PPFIA2: variants seen among roughly 807,000 people sequenced by gnomAD.
The protein encoded by PPFIA2 is liprin-alpha-2.
Under a neutral mutation model 175.5 loss-of-function variants are expected in PPFIA2, and 46 were observed. The observed-to-expected ratio is 0.26, with a 90% confidence interval of 0.21 to 0.34. The LOEUF (loss-of-function observed/expected upper bound fraction) is 0.34. Among genes scored for constraint, PPFIA2 ranks in the 10% least tolerant of loss-of-function variants. The pLI, the probability that PPFIA2 is intolerant of heterozygous loss-of-function variation, is 1.00. For synonymous variants in PPFIA2, 568 were observed against 511.4 expected (o/e 1.11, Z -1.49); for missense variants, 1,179 against 1,506.1 (o/e 0.78, Z 3.60).
At chr12:81,559,492 T>C (rs2069534947) in intron 4 of PPFIA2, among the ~76,000 whole-genome samples, 1 of 152,236 alleles carries the variant, frequency 6.6e-6, no homozygotes, top group Admixed American at 6.5e-5. Context: ...GCTAAGTTAA[T>C]GTTTTCATGT....
At chr12:81,347,112 T>C (rs1675366247) in intron 18 of PPFIA2, among the ~76,000 whole-genome samples, 1 of 133,670 alleles carries the variant, frequency 7.5e-6, no homozygotes, top group Admixed American at 7.3e-5. Flanking sequence ...TTTTTCTTTT[T>C]CTCTTTTTCT....
chr12:81,286,003 A>G (rs2043236398), intron 24 of PPFIA2, among the ~76,000 whole-genome samples: 3 of 152,044 alleles, frequency 2.0e-5, no homozygotes, highest in Non-Finnish European at 4.4e-5. Flanking sequence ...GATGAAAGAC[A>G]GTGATACTGA....
chr12:81,329,931 A>T (rs1480184610), intron 21 of PPFIA2, among the ~76,000 whole-genome samples: 1 of 152,242 alleles, frequency 6.6e-6, no homozygotes, highest in Non-Finnish European at 1.5e-5. Flanking sequence ...TTTCCCAGAC[A>T]TCAGAGGGAG....
chr12:81,734,321 T>A (rs2081299083), intron 3 of PPFIA2, among the ~76,000 whole-genome samples: 1 of 151,838 alleles, frequency 6.6e-6, no homozygotes, highest in Non-Finnish European at 1.5e-5. Context: ...TCTGAGAGAT[T>A]ACATTGCATT....
intron 3 of PPFIA2, among the ~76,000 whole-genome samples, chr12:81,719,743 C>T (rs979452021): frequency 6.6e-6 from 1 of 151,528 alleles, no homozygotes; most frequent in Non-Finnish European, 1.5e-5. Flanking sequence ...ATAATATATA[C>T]ATATTCTAAT....
intron 31 of PPFIA2, among the ~76,000 whole-genome samples, 191 bp from the exon 32 acceptor site, chr12:81,262,231 G>T: frequency 6.6e-6 from 1 of 152,094 alleles, no homozygotes; most frequent in African/African-American, 2.4e-5. Flanking sequence ...CAATGTAAAT[G>T]ACCTGAGCTT....
chr12:81,590,605 G>A (rs576301335), intron 4 of PPFIA2, among the ~76,000 whole-genome samples: 178 of 152,058 alleles, frequency 1.2e-3, no homozygotes, highest in Non-Finnish European at 2.1e-3. Context: ...GGAGGAACCC[G>A]GTGGGAGGTG....
chr12:81,517,584 A>G (rs572443533), intron 4 of PPFIA2, among the ~76,000 whole-genome samples: 1 of 152,306 alleles, frequency 6.6e-6, no homozygotes, highest in East Asian at 1.9e-4. Flanking sequence ...TATCTGAGAA[A>G]GGTTAAGATT....
chr12:81,697,073 A>G (rs1014707715), intron 3 of PPFIA2, among the ~76,000 whole-genome samples: 18 of 152,220 alleles, frequency 1.2e-4, no homozygotes, highest in African/African-American at 4.1e-4. Context: ...GCCTAATGAG[A>G]GAAATGGCAG....
chr12:81,576,317 A>G (rs1376381709), intron 4 of PPFIA2, among the ~76,000 whole-genome samples: 2 of 151,802 alleles, frequency 1.3e-5, no homozygotes, highest in Non-Finnish European at 2.9e-5. Flanking sequence ...GGGAAGACTG[A>G]AAAGCAGTCC....
In PPFIA2 at chr12:81,724,777, G is replaced by A. The variant is rs915018193; in HGVS notation, c.249+29196C>T. On this transcript the variant is annotated intron_variant, in intron 3 of 32. Coordinates refer to ENST00000549396, the MANE Select transcript of PPFIA2 (RefSeq NM_003625.5). ...CCATATCTCTGCTATAGTGAATAGTGCTGCAATAAACATAAGGGGGAAGGT... is the reference window on the plus strand; with the variant it reads ...CCATATCTCTGCTATAGTGAATAGTACTGCAATAAACATAAGGGGGAAGGT... 9.9e-5 allele frequency among the ~76,000 whole-genome samples: 15 copies of A among 150,936 alleles called. 1 individual carries two copies. The highest frequency in any genetic ancestry group is 6.6e-4 in the Admixed American group (10 of 15,082).
intron 3 of PPFIA2, among the ~76,000 whole-genome samples, chr12:81,703,770 G>A (rs2076778866): frequency 6.6e-6 from 1 of 152,050 alleles, no homozygotes; most frequent in Admixed American, 6.6e-5. Context: ...GATGCACCGA[G>A]CATCTTCCTA....
In PPFIA2 at chr12:81,430,982, C is replaced by T. The variant is rs556612080; in HGVS notation, c.645+8990G>A. The T allele has an allele frequency of 5.9e-5, 9 of 152,180 alleles. 1 individual carries two copies. The highest frequency in any genetic ancestry group is 3.4e-3 in the Middle Eastern group (1 of 294). The allele number at this position is 152,180 out of a possible 1,614,324, so 9.4% of individuals were successfully genotyped here. ...GATAAAGCTGATTGTAGATGAGGTACAATAATTGTTAATTTCCTTGGAAAA... is the reference window on the plus strand; with the variant it reads ...GATAAAGCTGATTGTAGATGAGGTATAATAATTGTTAATTTCCTTGGAAAA... On this transcript the variant is annotated intron_variant, in intron 7 of 32. Coordinates refer to ENST00000549396, the MANE Select transcript of PPFIA2 (RefSeq NM_003625.5).
intron 4 of PPFIA2, among the ~76,000 whole-genome samples, chr12:81,566,405 T>C (rs2071291951): frequency 1.3e-5 from 2 of 151,362 alleles, no homozygotes; most frequent in African/African-American, 4.9e-5. Context: ...GTGCCTGTAG[T>C]CCCAGATACT....
chr12:81,474,266 T>G (rs1047788449), intron 4 of PPFIA2, among the ~76,000 whole-genome samples: 1 of 152,132 alleles, frequency 6.6e-6, no homozygotes, highest in Non-Finnish European at 1.5e-5. Flanking sequence ...AAGCAATTCT[T>G]GTGCCTCAGC....
intron 4 of PPFIA2, among the ~76,000 whole-genome samples, chr12:81,569,906 C>T (rs1306523233): frequency 6.6e-6 from 1 of 152,060 alleles, no homozygotes; most frequent in Non-Finnish European, 1.5e-5. Flanking sequence ...TGGTAATAGG[C>T]AGTGAGGGCA....
chr12:81,362,047 AT>A (rs1404558126), intron 15 of PPFIA2, among the ~76,000 whole-genome samples: 2 of 147,280 alleles, frequency 1.4e-5, no homozygotes, highest in African/African-American at 2.5e-5. Flanking sequence ...CTATCTATCT[AT>A]CTATGATCTA....
In PPFIA2 at chr12:81,405,770, T is replaced by C. The variant is rs759700851; in HGVS notation, c.762+17A>G. The C allele has an allele frequency of 2.3e-6, 3 of 1,328,136 alleles. No homozygotes were observed. The highest frequency in any genetic ancestry group is 2.2e-5 in the Admixed American group (1 of 46,098). The allele number at this position is 1,328,136 out of a possible 1,614,324, so 82.3% of individuals were successfully genotyped here. A position where few individuals can be genotyped will look rare whatever the true frequency, so the allele number is the denominator to read the frequency against. On this transcript the variant is annotated intron_variant, in intron 8 of 32. Transcript: ENST00000549396. ...AAGTAAACATTTCCATGTAAGAGCA[T>C]GTGGGGTGTGTCATACCTTCTCATG...
At position 81,341,052 on chromosome 12, in the gene PPFIA2, T is replaced by C. The variant is rs752432974; in HGVS notation, c.2393+26A>G. The C allele has an allele frequency of 1.3e-5, 21 of 1,584,074 alleles. No individual in the cohort carries two copies. The African/African-American group carries it at 2.3e-4, about 17-fold the overall frequency. On this transcript the variant is annotated intron_variant, in intron 20 of 32. Transcript: ENST00000549396. ...ATATTTTTGGAAGGAGGGCATTCAG[T>C]GTGCAGTGTGCCTGCAGAGTCTTAC...
Sources: gnomAD v4.1 joint callset for allele counts (sites outside exome capture counted in the v4.1 genomes callset) on GRCh38, gnomAD v4.1.1 for gene constraint, MANE v1.5 for transcripts, NCBI Gene and HGNC (gene_info 2026-07-23, HGNC 2026-07-21) for gene names.